Variants in SORD observed in about 807,000 individuals in gnomAD.
SORD encodes the protein sorbitol dehydrogenase, also known as (R,R)-butanediol dehydrogenase.
Under a neutral mutation model 35.6 loss-of-function variants are expected in SORD, and 18 were observed. That is an observed-to-expected ratio of 0.51 (90% CI 0.35 to 0.75). The LOEUF (loss-of-function observed/expected upper bound fraction) is 0.75. Ranked by LOEUF, SORD falls within the 30% of genes least tolerant of loss-of-function variation. The probability of loss-of-function intolerance (pLI) is 0.01; values close to 1 mark genes in which losing one functional copy is unlikely to be tolerated. For synonymous variants in SORD, 106 were observed against 152.9 expected (o/e 0.69, Z 2.26); for missense variants, 250 against 390.2 (o/e 0.64, Z 3.03).
chr15:45,067,531 AG>A (rs771603499), intron 5 of SORD, among the ~76,000 whole-genome samples: 6 of 152,254 alleles, frequency 3.9e-5, no homozygotes, highest in Non-Finnish European at 5.9e-5. Flanking sequence ...GTGTACAAAA[AG>A]TAAACCCCCA....
chr15:45,060,415 A>G (rs1893283672), intron 3 of SORD, among the ~76,000 whole-genome samples: 1 of 152,120 alleles, frequency 6.6e-6, no homozygotes, highest in Non-Finnish European at 1.5e-5. Flanking sequence ...AGGTGTAGTG[A>G]GGCATAGAAT....
At position 45,073,618 on chromosome 15, in the gene SORD, T is replaced by G. The variant is rs1271833466; in HGVS notation, c.*88T>G. ...GGGTGGGCTCTGATGCAGAACTTTC[T>G]CTTTTGAATGTTAAGAATAACTAAT... On this transcript the variant is annotated 3_prime_UTR_variant, in exon 9 of 9. Transcript: ENST00000267814. 2.9e-6 allele frequency: 4 copies of G among 1,375,878 alleles called. No homozygotes were observed. The highest frequency in any genetic ancestry group is 3.9e-6 in the Non-Finnish European group (4 of 1,018,656). 85.2% of individuals were successfully genotyped at this position (1,375,878 alleles called of 1,614,324 possible).
chr15:45,067,963 A>G (rs1893433992), intron 5 of SORD, among the ~76,000 whole-genome samples: 1 of 152,366 alleles, frequency 6.6e-6, no homozygotes, highest in African/African-American at 2.4e-5. Flanking sequence ...AGGATTAAAT[A>G]GAACCCAGCA....
intron 3 of SORD, among the ~76,000 whole-genome samples, chr15:45,045,640 G>A (rs1893036529): frequency 6.6e-6 from 1 of 151,588 alleles, no homozygotes; most frequent in Non-Finnish European, 1.5e-5. Context: ...GTGCTACTCA[G>A]AGCAGAGGTT....
intron 1 of SORD, among the ~76,000 whole-genome samples, chr15:45,024,161 C>T (rs1294876999): frequency 6.6e-6 from 1 of 152,166 alleles, no homozygotes; most frequent in African/African-American, 2.4e-5. Context: ...TCATGCCAAG[C>T]CTCCCTTGAC....
At position 45,038,652 on chromosome 15, in the gene SORD, G is replaced by C. The variant is rs1228959049; in HGVS notation, c.67-1756G>C. Among the ~76,000 whole-genome samples the C allele has an allele frequency of 2.0e-5, 3 of 152,294 alleles. No individual in the cohort carries two copies. The East Asian group carries it at 5.8e-4, about 29-fold the overall frequency. On this transcript the variant is annotated intron_variant, in intron 1 of 8. Coordinates refer to ENST00000267814, the MANE Select transcript of SORD (RefSeq NM_003104.6). ...CAAGCAGTGTACCTGATGCTAAAGC[G>C]ATGGAAGGCATGGTCTTTGGCTTCA...
intron 3 of SORD, among the ~76,000 whole-genome samples, chr15:45,060,703 T>C (rs1247425666): frequency 2.6e-5 from 4 of 151,634 alleles, no homozygotes; most frequent in Non-Finnish European, 4.4e-5. Flanking sequence ...GATGGGAATA[T>C]ACTTGGCTTG....
At chr15:45,040,275 T>A in intron 1 of SORD, 133 bp from the exon 2 acceptor site, 1 of 648,048 alleles carries the variant, frequency 1.5e-6, no homozygotes. Context: ...CCAGGAGCAG[T>A]GTGGTCTGAG....
chr15:45,032,340 A>G (rs1342670600), intron 1 of SORD, among the ~76,000 whole-genome samples: 2 of 152,218 alleles, frequency 1.3e-5, no homozygotes, highest in Admixed American at 6.5e-5. Context: ...AACAATAACT[A>G]GAAGGAAAAA....
intron 1 of SORD, among the ~76,000 whole-genome samples, chr15:45,029,458 G>C (rs1956787945): frequency 6.6e-6 from 1 of 152,288 alleles, no homozygotes; most frequent in African/African-American, 2.4e-5. Flanking sequence ...AGCTGCTCCA[G>C]GCACTGACAC....
chr15:45,029,867 C>T (rs114607687), intron 1 of SORD, among the ~76,000 whole-genome samples: 31,246 of 150,818 alleles, frequency 0.21, no homozygotes, highest in African/African-American at 0.44. Context: ...TCCCCGAAGT[C>T]AGGTCATTTC....
At chr15:45,042,927 T>G (rs1892992364) in intron 2 of SORD, among the ~76,000 whole-genome samples, 1 of 151,830 alleles carries the variant, frequency 6.6e-6, no homozygotes, top group South Asian at 2.1e-4. Context: ...ACTGATTGGA[T>G]GAGGCTCACC....
Position 45,032,764 on chromosome 15 carries a change from T to C in SORD, c.67-7644T>C, listed in dbSNP as rs562886056. ...TCTACCTCCTACTTTGACCTCAAGT[T>C]TGCCAGGACCAACACAGCTAGAACA... On this transcript the variant is annotated intron_variant, in intron 1 of 8. Coordinates refer to ENST00000267814, the MANE Select transcript of SORD (RefSeq NM_003104.6). Among the ~76,000 whole-genome samples, 26 of 152,280 alleles carry C rather than the reference T, an allele frequency of 1.7e-4. No homozygotes were observed. The South Asian group carries it at 3.9e-3, about 23-fold the overall frequency.
At chr15:45,030,928 C>T (rs1400116736) in intron 1 of SORD, among the ~76,000 whole-genome samples, 1 of 152,200 alleles carries the variant, frequency 6.6e-6, no homozygotes, top group African/African-American at 2.4e-5. Flanking sequence ...GTGCTGACTC[C>T]GACCAGGAGC....
In SORD at chr15:45,023,333, C is replaced by T. The variant is rs143621304; in HGVS notation, c.50C>T (p.Pro17Leu). ...PNNLSLVVHG[P>L]GDLRLENYPI... ...AACCTTTCCCTGGTGGTGCACGGACCGGGGGACTTGCGCCTGGTAAGCTGG... is the reference window on the plus strand; with the variant it reads ...AACCTTTCCCTGGTGGTGCACGGACTGGGGGACTTGCGCCTGGTAAGCTGG... The change falls in exon 1 of 9, where the codon CCG (proline) becomes CTG (leucine). Residue 17 changes from proline (P) to leucine (L), a missense_variant. Pro to Leu is a moderately conservative substitution (Grantham distance 98). Around this residue, in one of 8 missense-constraint regions of SORD, gnomAD observed 43 missense variants for 30.6 expected, o/e 1.40. Coordinates refer to ENST00000267814, the MANE Select transcript of SORD (RefSeq NM_003104.6). 1.3e-4 allele frequency: 207 copies of T among 1,586,258 alleles called. No homozygotes were observed. The highest frequency in any genetic ancestry group is 5.9e-4 in the African/African-American group (43 of 73,342).
rs766717307 is a variant in SORD at position 45,061,216 on chromosome 15, T to C, written c.415T>C (p.Phe139Leu). 2 of 1,614,056 alleles carry C rather than the reference T, an allele frequency of 1.2e-6. No individual in the cohort carries two copies. The highest frequency in any genetic ancestry group is 2.2e-5 in the East Asian group (1 of 44,888). The change falls in exon 4 of 9, where the codon TTT becomes CTT. Residue 139 changes from phenylalanine (F) to leucine (L), a missense_variant. Coordinates refer to ENST00000267814, the MANE Select transcript of SORD (RefSeq NM_003104.6). ...CCGGTTCTATAAGCACAATGCAGCC[T>C]TTTGTTACAAGTTAGTGTCCACAGT... ...LCRFYKHNAA[F>L]CYKLPDNVTF...
At chr15:45,037,293 G>A (rs66662768) in intron 1 of SORD, among the ~76,000 whole-genome samples, 9,459 of 152,312 alleles carry the variant, frequency 0.062, 382 homozygotes, top group South Asian at 0.1. Flanking sequence ...TGTGTGGTAC[G>A]AGCACAGCTG....
intron 1 of SORD, among the ~76,000 whole-genome samples, chr15:45,034,930 A>T (rs1892837136): frequency 6.6e-6 from 1 of 152,176 alleles, no homozygotes; most frequent in Non-Finnish European, 1.5e-5. Flanking sequence ...CACTCAGAGC[A>T]GCCGGCCGGC....
rs1487846276 is a variant in SORD at position 45,023,306 on chromosome 15, A to G, written c.23A>G (p.Asn8Ser). 1 of 1,591,098 alleles carries G rather than the reference A, an allele frequency of 6.3e-7. No homozygotes were observed. The highest frequency in any genetic ancestry group is 1.4e-5 in the African/African-American group (1 of 73,638). The stretch of plus-strand genomic sequence containing the variant: ...TCCATGGCGGCGGCGGCCAAGCCCA[A>G]CAACCTTTCCCTGGTGGTGCACGGA... MAAAAKP[N>S]NLSLVVHGPG... The change falls in exon 1 of 9, where the codon AAC becomes AGC. Residue 8 changes from asparagine to serine, a missense_variant. Transcript: ENST00000267814.
Sources: allele counts gnomAD v4.1 joint callset (sites outside exome capture counted in the v4.1 genomes callset), GRCh38; gene constraint gnomAD v4.1.1; regional missense constraint gnomAD v4.1.1; transcripts MANE v1.5; gene names NCBI Gene and HGNC (gene_info 2026-07-23, HGNC 2026-07-21).